ARHGAP29: variants seen among roughly 807,000 people sequenced by gnomAD.
The protein encoded by ARHGAP29 is Rho GTPase activating protein 29, also known as rho GTPase-activating protein 29.
Under a neutral mutation model 122.6 loss-of-function variants are expected in ARHGAP29, and 43 were observed. The observed-to-expected ratio is 0.35, with a 90% CI of 0.27 to 0.45. ARHGAP29 has a LOEUF of 0.45. Among genes scored for constraint, ARHGAP29 ranks in the 20% least tolerant of loss-of-function variants. ARHGAP29 has a pLI of 1.00. For synonymous variants in ARHGAP29, 506 were observed against 497.1 expected, an observed-to-expected ratio of 1.02 and a Z score of -0.24; for missense variants, 1,303 against 1,477.2, an observed-to-expected ratio of 0.88 and a Z score of 1.93.
chr1:94,299,179 G>T, the ARHGAP29 span, among the ~76,000 whole-genome samples: 1 of 152,148 alleles, frequency 6.6e-6, no homozygotes, highest in African/African-American at 2.4e-5. Context: ...CAAAGCTTAT[G>T]TTCTCACCAC....
chr1:94,273,480 G>GATACAAAAAA (rs1655071786), intron 1 of ARHGAP29, among the ~76,000 whole-genome samples: 1 of 152,136 alleles, frequency 6.6e-6, no homozygotes, highest in Non-Finnish European at 1.5e-5. Context: ...AAAACCATTT[G>GATACAAAAAA]ATATTTTCAG....
chr1:94,291,308 A>G, the ARHGAP29 span, among the ~76,000 whole-genome samples: 1 of 152,078 alleles, frequency 6.6e-6, no homozygotes, highest in African/African-American at 2.4e-5. Flanking sequence ...TGCTTGGTAG[A>G]TCTTCCTCCA....
chr1:94,312,888 C>T, the ARHGAP29 span, among the ~76,000 whole-genome samples: 6 of 152,190 alleles, frequency 3.9e-5, no homozygotes, highest in African/African-American at 1.2e-4. Context: ...CCTAGGGCTC[C>T]AGCCTCAGAC....
At chr1:94,278,266 C>T (rs1431129448), upstream of ARHGAP29, among the ~76,000 whole-genome samples, 1 of 152,034 alleles carries the variant, frequency 6.6e-6, no homozygotes, top group African/African-American at 2.4e-5. Context: ...TTATAGTGGG[C>T]TATGATCATG....
rs140372548 is a variant in ARHGAP29, at chr1:94,189,563, G to C, written c.1440-211C>G. On this transcript the variant is annotated intron_variant, in intron 13 of 22. Coordinates refer to ENST00000260526, the MANE Select transcript of ARHGAP29 (RefSeq NM_004815.4). The stretch of plus-strand genomic sequence containing the variant: ...TGTCCTTATTACAGTGAAAACATGG[G>C]AAGTGAATAGCAAAAGTATAGTTAA... Among the ~76,000 whole-genome samples the C allele has an allele frequency of 2.6e-5, 4 of 152,204 alleles. No homozygotes were observed. The East Asian group carries it at 7.7e-4, about 29-fold the overall frequency.
chr1:94,188,624 T>TG (rs1217020421), intron 15 of ARHGAP29, among the ~76,000 whole-genome samples: 1 of 152,056 alleles, frequency 6.6e-6, no homozygotes, highest in African/African-American at 2.4e-5. Flanking sequence ...ACCAAGGAGG[T>TG]GTACACAGGG....
rs146537113 is a variant in ARHGAP29 at position 94,197,151 on chromosome 1, T to C, written c.1281+4569A>G. Among the ~76,000 whole-genome samples, 9 of 152,008 alleles carry C rather than the reference T, an allele frequency of 5.9e-5. No homozygotes were observed. The East Asian group carries it at 1.4e-3, about 23-fold the overall frequency. ...CAATGAGAGAGAAAGAGAAAAAAGA[T>C]GCAAATTACCAGTATCGGGAATGAA... On this transcript the variant is annotated intron_variant, in intron 12 of 22. Transcript: ENST00000260526.
At chr1:94,291,379 C>T in the ARHGAP29 span, among the ~76,000 whole-genome samples, 1 of 152,196 alleles carries the variant, frequency 6.6e-6, no homozygotes, top group Non-Finnish European at 1.5e-5. Context: ...GAATACAGCA[C>T]ACTGATGGGT....
chr1:94,181,070 G>A (rs1649423474), intron 19 of ARHGAP29, among the ~76,000 whole-genome samples: 1 of 152,154 alleles, frequency 6.6e-6, no homozygotes, highest in South Asian at 2.1e-4. Context: ...AATACAGTAA[G>A]CCCACAGGAC....
intron 7 of ARHGAP29, among the ~76,000 whole-genome samples, chr1:94,204,800 T>A (rs1228568201): frequency 6.6e-6 from 1 of 152,212 alleles, no homozygotes; most frequent in Non-Finnish European, 1.5e-5. Flanking sequence ...CTGCATTTCC[T>A]CTTACCCACT....
At chr1:94,175,070 A>C (rs143478693) in intron 22 of ARHGAP29, among the ~76,000 whole-genome samples, 2,224 of 152,294 alleles carry the variant, frequency 0.015, 28 homozygotes, top group Non-Finnish European at 0.022. Flanking sequence ...CACAATTTCA[A>C]TAGGCAGACA....
At position 94,261,613 on chromosome 1, in the gene ARHGAP29, G is replaced by C. The variant is rs542774625; in HGVS notation, c.-33+13399C>G. 2.6e-5 allele frequency among the ~76,000 whole-genome samples: 4 copies of C among 152,240 alleles called. No individual in the cohort carries two copies. In the South Asian group the frequency reaches 8.3e-4, roughly 32 times the overall value. On this transcript the variant is annotated intron_variant and NMD_transcript_variant, in intron 1 of 25. Coordinates refer to the ARHGAP29 transcript ENST00000552844. ...CTAGCATTTCTATTCGCCAACAACA[G>C]TCAAGCTGAGAACCAAATCAGGAAC...
In ARHGAP29 at chr1:94,201,666, C is replaced by A. The variant is rs1257868922; in HGVS notation, c.1281+54G>T. The A allele has an allele frequency of 4.4e-6, 7 of 1,605,420 alleles. No individual in the cohort carries two copies. The South Asian group carries it at 6.7e-5, about 15-fold the overall frequency. On this transcript the variant is annotated intron_variant, in intron 12 of 22. Transcript: ENST00000260526. ...GGGATTACAGGTGTGAGCCACCATGCCTTGCCTGATGGTCTTTTCTTCTTG... is the reference window on the plus strand; with the variant it reads ...GGGATTACAGGTGTGAGCCACCATGACTTGCCTGATGGTCTTTTCTTCTTG...
At chr1:94,232,932 GTT>G (rs79225178) in intron 1 of ARHGAP29, among the ~76,000 whole-genome samples, 6 of 136,966 alleles carry the variant, frequency 4.4e-5, no homozygotes, top group Admixed American at 7.3e-5. Flanking sequence ...AAGTTTTTTG[GTT>G]TTTTTTTTTT....
chr1:94,251,909 T>A (rs1654112964), intron 1 of ARHGAP29, among the ~76,000 whole-genome samples: 1 of 152,220 alleles, frequency 6.6e-6, no homozygotes, highest in Admixed American at 6.5e-5. Context: ...ACAGATTTTT[T>A]AAATGTCCCC....
At chr1:94,193,951 G>A (rs1476487500) in intron 12 of ARHGAP29, 1 of 152,130 alleles carries the variant, frequency 6.6e-6, no homozygotes, top group Non-Finnish European at 1.5e-5. Context: ...GTCTGGTGAG[G>A]TTTTCAACGT....
chr1:94,277,945 A>G (rs1305671839), upstream of ARHGAP29, among the ~76,000 whole-genome samples: 1 of 152,230 alleles, frequency 6.6e-6, no homozygotes, highest in Non-Finnish European at 1.5e-5. Context: ...GGGGCTAAGT[A>G]GTTTTTGAAA....
rs1221354320 is a variant in ARHGAP29 at position 94,172,784 on chromosome 1, G to C, written c.*1085C>G. 4.6e-5 allele frequency: 7 copies of C among 152,292 alleles called. No individual in the cohort carries two copies. Among genetic ancestry groups the C allele is most frequent in the African/African-American group, 1.7e-4 (7 of 41,372 alleles). The allele number at this position is 152,292 out of a possible 1,614,324, so 9.4% of individuals were successfully genotyped here. A position where few individuals can be genotyped will look rare whatever the true frequency, so the allele number is the denominator to read the frequency against. The stretch of plus-strand genomic sequence containing the variant: ...CAGGAATGTACTAGTCCTAAAAACT[G>C]GACCTTTTATAAATGAAACAGATCC... On this transcript the variant is annotated 3_prime_UTR_variant, in exon 23 of 23. Transcript: ENST00000260526.
chr1:94,265,391 T>C (rs577906229), intron 1 of ARHGAP29, among the ~76,000 whole-genome samples: 11 of 152,244 alleles, frequency 7.2e-5, no homozygotes, highest in Non-Finnish European at 1.3e-4. Context: ...AGAAGCTATG[T>C]GGATAGGATA....
Sources: allele counts gnomAD v4.1 joint callset (sites outside exome capture counted in the v4.1 genomes callset), GRCh38; gene constraint gnomAD v4.1.1; transcripts MANE v1.5; gene names NCBI Gene and HGNC (gene_info 2026-07-23, HGNC 2026-07-21).